The following CEP128 variants were observed in gnomAD, a reference collection of about 807,000 sequenced individuals.
CEP128 encodes centrosomal protein 128kDa.
Under a neutral mutation model 156.7 loss-of-function variants are expected in CEP128, and 132 were observed. The ratio of observed to expected loss-of-function variants is 0.84; its 90% CI spans 0.73 to 0.97. The LOEUF (loss-of-function observed/expected upper bound fraction) is 0.97, where lower values mean the gene tolerates loss of function less well. CEP128 is among the 50% of genes least tolerant of loss of function. The probability of loss-of-function intolerance (pLI) is 0.00; values close to 1 mark genes in which losing one functional copy is unlikely to be tolerated. For synonymous variants in CEP128, 469 were observed against 448.9 expected, an observed-to-expected ratio of 1.04 and a Z score of -0.57; for missense variants, 1,252 against 1,281.9, an observed-to-expected ratio of 0.98 and a Z score of 0.36.
downstream of CEP128, among the ~76,000 whole-genome samples, chr14:80,494,330 G>T (rs1434943593): frequency 6.6e-6 from 1 of 152,132 alleles, no homozygotes; most frequent in Non-Finnish European, 1.5e-5. Context: ...TTTAAATTGA[G>T]AGAAAACACT....
intron 16 of CEP128, among the ~76,000 whole-genome samples, chr14:80,761,999 T>C (rs1177107538): frequency 2.0e-5 from 3 of 152,030 alleles, no homozygotes; most frequent in East Asian, 3.9e-4. Flanking sequence ...CACCAGAAAA[T>C]ATAAACTGCT....
intron 4 of CEP128, among the ~76,000 whole-genome samples, 192 bp downstream of exon 4, chr14:80,914,130 T>G (rs138527132): frequency 8.5e-5 from 13 of 152,308 alleles, no homozygotes; most frequent in African/African-American, 2.2e-4. Flanking sequence ...TTCAATAGAA[T>G]CTAATTTATA....
chr14:80,882,614 T>C (rs1382999023), intron 8 of CEP128, among the ~76,000 whole-genome samples: 1 of 152,170 alleles, frequency 6.6e-6, no homozygotes, highest in African/African-American at 2.4e-5. Flanking sequence ...ACATCTGCAT[T>C]CCCATGTTTG....
intron 16 of CEP128, among the ~76,000 whole-genome samples, chr14:80,772,609 C>T (rs1001288655): frequency 2.0e-5 from 3 of 152,200 alleles, no homozygotes; most frequent in African/African-American, 7.2e-5. Flanking sequence ...AAAGAGTGCA[C>T]TGTGACACAT....
chr14:80,569,402 A>G (rs1038351084), intron 20 of CEP128, among the ~76,000 whole-genome samples: 1 of 152,192 alleles, frequency 6.6e-6, no homozygotes, highest in Admixed American at 6.5e-5. Context: ...CTTAAATTCC[A>G]AAGTCTATGA....
At chr14:80,704,805 T>G (rs1008763061) in intron 19 of CEP128, among the ~76,000 whole-genome samples, 11 of 151,938 alleles carry the variant, frequency 7.2e-5, no homozygotes, top group African/African-American at 2.7e-4. Context: ...CTTTCTACCT[T>G]TCTCCCTCTT....
intron 15 of CEP128, among the ~76,000 whole-genome samples, chr14:80,778,279 T>C (rs1595384484): frequency 6.6e-6 from 1 of 152,188 alleles, no homozygotes; most frequent in Non-Finnish European, 1.5e-5. Flanking sequence ...ATGCTAAAGA[T>C]AACAGATATG....
chr14:80,808,056 G>T (rs1395485817), intron 13 of CEP128, among the ~76,000 whole-genome samples: 1 of 152,208 alleles, frequency 6.6e-6, no homozygotes, highest in African/African-American at 2.4e-5. Flanking sequence ...AGAACTCATT[G>T]TCTGGGACCA....
chr14:80,690,767 C>T (rs1896695930), intron 19 of CEP128, among the ~76,000 whole-genome samples: 1 of 152,106 alleles, frequency 6.6e-6, no homozygotes, highest in Non-Finnish European at 1.5e-5. Flanking sequence ...GACATCTCTT[C>T]AGCAAGAATC....
chr14:80,873,347 T>C (rs1469940056), intron 8 of CEP128, among the ~76,000 whole-genome samples: 1 of 152,230 alleles, frequency 6.6e-6, no homozygotes, highest in Non-Finnish European at 1.5e-5. Flanking sequence ...ACTCAGTGGC[T>C]ACATTTTAAA....
At chr14:80,625,612 G>A (rs1489949055) in intron 19 of CEP128, among the ~76,000 whole-genome samples, 1 of 151,894 alleles carries the variant, frequency 6.6e-6, no homozygotes, top group African/African-American at 2.4e-5. Flanking sequence ...CATTTTTTGT[G>A]TCCTCTTCAA....
At chr14:80,524,613 C>G (rs1461464631) in intron 23 of CEP128, among the ~76,000 whole-genome samples, 1 of 152,110 alleles carries the variant, frequency 6.6e-6, no homozygotes, top group East Asian at 1.9e-4. Context: ...CCATTGGTAT[C>G]TACAATTGGC....
intron 9 of CEP128, among the ~76,000 whole-genome samples, chr14:80,861,418 G>A (rs1887505856): frequency 6.6e-6 from 1 of 151,990 alleles, no homozygotes; most frequent in Non-Finnish European, 1.5e-5. Context: ...CAATAATCAA[G>A]TGTTCAGTTT....
chr14:80,647,027 A>ATATATG (rs1894668272), intron 19 of CEP128, among the ~76,000 whole-genome samples: 1 of 117,340 alleles, frequency 8.5e-6, no homozygotes, highest in Admixed American at 9.3e-5. Context: ...GTGTATATAT[A>ATATATG]TGTGTGCATG....
At chr14:80,885,630 G>A (rs996479082) in intron 8 of CEP128, among the ~76,000 whole-genome samples, 8 of 152,090 alleles carry the variant, frequency 5.3e-5, no homozygotes, top group African/African-American at 1.7e-4. Context: ...AAGGCCATCA[G>A]CATCAAAGAT....
chr14:80,513,898 T>C (rs997308172), intron 23 of CEP128, among the ~76,000 whole-genome samples: 1 of 151,934 alleles, frequency 6.6e-6, no homozygotes, highest in Non-Finnish European at 1.5e-5. Flanking sequence ...TCTACTAACA[T>C]AGCTAGATCT....
intron 12 of CEP128, among the ~76,000 whole-genome samples, chr14:80,831,713 T>C (rs1885811473): frequency 6.6e-6 from 1 of 152,154 alleles, no homozygotes; most frequent in Non-Finnish European, 1.5e-5. Context: ...AAATCTCTGA[T>C]TGTGTATGAC....
intron 9 of CEP128, among the ~76,000 whole-genome samples, chr14:80,847,776 G>C (rs1886683264): frequency 6.6e-6 from 1 of 152,190 alleles, no homozygotes. Context: ...GCATTGCAAA[G>C]ATAGTTAACA....
At chr14:80,840,860 G>A in intron 9 of CEP128, 92 bp from the exon 10 acceptor site, 1 of 769,192 alleles carries the variant, frequency 1.3e-6, no homozygotes, top group South Asian at 1.6e-5. Context: ...GGCTGAAGAA[G>A]ACATGGATAT....
Sources: allele counts gnomAD v4.1 joint callset (sites outside exome capture counted in the v4.1 genomes callset), GRCh38; gene constraint gnomAD v4.1.1; transcripts MANE v1.5; gene names NCBI Gene and HGNC (gene_info 2026-07-23, HGNC 2026-07-21).